IFT80: variants seen among roughly 807,000 people sequenced by gnomAD.
IFT80 encodes intraflagellar transport protein 80 homolog.
In IFT80, 79 loss-of-function variants were observed where a neutral mutation model predicts 107.9. That is an observed-to-expected ratio of 0.73 (90% CI 0.61 to 0.88). IFT80 has a LOEUF of 0.88. Ranked by LOEUF, IFT80 falls within the 40% of genes least tolerant of loss-of-function variation. IFT80 has a pLI of 0.00. For missense variants in IFT80, 797 were observed against 914.2 expected, an observed-to-expected ratio of 0.87 and a Z score of 1.65; for synonymous variants, 299 against 300.9, an observed-to-expected ratio of 0.99 and a Z score of 0.07.
chr3:160,279,641 C>A (rs965435752), intron 15 of IFT80, among the ~76,000 whole-genome samples: 2 of 151,418 alleles, frequency 1.3e-5, no homozygotes, highest in Non-Finnish European at 2.9e-5. Flanking sequence ...TATTTGAGAG[C>A]TATTCCTAAG....
At chr3:160,387,804 TAAGATGAAATTACC>T (rs1713057083) in intron 1 of IFT80, among the ~76,000 whole-genome samples, 1 of 152,186 alleles carries the variant, frequency 6.6e-6, no homozygotes, top group Non-Finnish European at 1.5e-5. Context: ...AGCCATGGAA[TAAGATGAAATTACC>T]AAAGAGACTA....
chr3:160,361,331 C>G (rs570836216), intron 6 of IFT80, among the ~76,000 whole-genome samples: 1 of 152,164 alleles, frequency 6.6e-6, no homozygotes, highest in South Asian at 2.1e-4. Flanking sequence ...GCTAACTATC[C>G]TAAATACATA....
At chr3:160,286,811 C>T (rs1009047784) in intron 12 of IFT80, among the ~76,000 whole-genome samples, 2 of 152,114 alleles carry the variant, frequency 1.3e-5, no homozygotes, top group African/African-American at 4.8e-5. Flanking sequence ...TATTAATATG[C>T]TACTCTGGTA....
intron 12 of IFT80, chr3:160,298,998 C>T (rs1716207083): frequency 2.3e-6 from 1 of 436,448 alleles, no homozygotes; most frequent in Admixed American, 6.3e-5. Flanking sequence ...TGTTACTATG[C>T]AGGGAATGAC....
chr3:160,335,954 C>T (rs922587488), intron 8 of IFT80, among the ~76,000 whole-genome samples: 1 of 152,114 alleles, frequency 6.6e-6, no homozygotes, highest in African/African-American at 2.4e-5. Context: ...TGTTTGTTTT[C>T]AGGGTTCATC....
intron 8 of IFT80, among the ~76,000 whole-genome samples, chr3:160,324,208 G>A (rs528682461): frequency 5.3e-5 from 8 of 152,224 alleles, no homozygotes; most frequent in African/African-American, 1.9e-4. Flanking sequence ...GTACAAGGAG[G>A]AACTGGTACC....
At chr3:160,311,043 T>C (rs1717207829) in intron 9 of IFT80, among the ~76,000 whole-genome samples, 1 of 152,180 alleles carries the variant, frequency 6.6e-6, no homozygotes, top group African/African-American at 2.4e-5. Context: ...GAGGATCGTT[T>C]GAGCTTGGGA....
At chr3:160,282,647 G>C (rs749556432) in intron 13 of IFT80, 34 bp from the exon 14 acceptor site, 1 of 1,290,026 alleles carries the variant, frequency 7.8e-7, no homozygotes, top group South Asian at 1.3e-5. Context: ...TACTGGGTTA[G>C]TTTTAGTGTT....
In IFT80 at chr3:160,260,040, T is replaced by TTTATC. The variant is rs568564150; in HGVS notation, c.2224-1406_2224-1405insGATAA. Among the ~76,000 whole-genome samples, 18 of 152,320 alleles carry TTTATC rather than the reference T, an allele frequency of 1.2e-4. No homozygotes were observed. In the South Asian group the frequency reaches 3.5e-3, roughly 30 times the overall value. ...AACTTTAATAGGACTTCATGCCTCT[T>TTTATC]TTATGCTGGAGGTTAAAGAAATTAA... On this transcript the variant is annotated intron_variant, in intron 19 of 19. Coordinates refer to ENST00000326448, the MANE Select transcript of IFT80 (RefSeq NM_020800.3).
intron 11 of IFT80, among the ~76,000 whole-genome samples, chr3:160,301,384 C>T (rs981749120): frequency 2.6e-5 from 4 of 151,782 alleles, no homozygotes; most frequent in African/African-American, 4.8e-5. Flanking sequence ...ATCAAAAAAT[C>T]GTATAATTTA....
At chr3:160,398,617 C>CCAAT (rs1714066575) in intron 1 of IFT80, among the ~76,000 whole-genome samples, 2 of 152,036 alleles carry the variant, frequency 1.3e-5, no homozygotes, top group Admixed American at 6.6e-5. Flanking sequence ...ACTCTGAAGC[C>CCAAT]CAATCACCTA....
chr3:160,296,205 A>T (rs1715971213), intron 12 of IFT80, among the ~76,000 whole-genome samples: 1 of 152,156 alleles, frequency 6.6e-6, no homozygotes, highest in African/African-American at 2.4e-5. Flanking sequence ...TTCAATCCTA[A>T]AAAAAACTGC....
At chr3:160,299,437 AT>A (rs1238108615) in intron 12 of IFT80, among the ~76,000 whole-genome samples, 1 of 152,168 alleles carries the variant, frequency 6.6e-6, no homozygotes, top group Non-Finnish European at 1.5e-5. Flanking sequence ...TTCAAGTCAG[AT>A]TTTTTGGTAA....
At chr3:160,291,985 C>T (rs1290739985) in intron 12 of IFT80, among the ~76,000 whole-genome samples, 2 of 152,204 alleles carry the variant, frequency 1.3e-5, no homozygotes, top group South Asian at 4.1e-4. Flanking sequence ...CCCTCTGAGG[C>T]ACAAAATACC....
chr3:160,301,083 G>A, intron 11 of IFT80, 37 bp from the exon 12 acceptor site: 5 of 1,499,720 alleles, frequency 3.3e-6, no homozygotes, highest in South Asian at 1.2e-5. Context: ...TCTCAAACAG[G>A]AGTATACTTT....
At chr3:160,389,057 G>T (rs1394353875) in intron 1 of IFT80, among the ~76,000 whole-genome samples, 1 of 152,138 alleles carries the variant, frequency 6.6e-6, no homozygotes. Flanking sequence ...GGTATTTAAA[G>T]CCCTTTAATT....
At position 160,257,386 on chromosome 3, in the gene IFT80, G is replaced by A. The variant is rs1559904055; in HGVS notation, c.*1139C>T. 6.6e-6 allele frequency: 1 copy of A among 151,996 alleles called. No homozygotes were observed. The highest frequency in any genetic ancestry group is 1.5e-5 in the Non-Finnish European group (1 of 68,018). 9.4% of individuals were successfully genotyped at this position (151,996 alleles called of 1,614,324 possible). ...TACCATTTTCAGAAATGGGTTTGCAGAAGACTTTCTAAGGGGTATTTGTTT... is the reference window on the plus strand; with the variant it reads ...TACCATTTTCAGAAATGGGTTTGCAAAAGACTTTCTAAGGGGTATTTGTTT... On this transcript the variant is annotated 3_prime_UTR_variant, in exon 20 of 20. Transcript: ENST00000326448.
chr3:160,299,228 G>T, intron 12 of IFT80: 1 of 1,139,324 alleles, frequency 8.8e-7, no homozygotes, highest in Non-Finnish European at 1.1e-6. Flanking sequence ...AGCCAAAAAG[G>T]AAGTCCTTTA....
chr3:160,325,668 A>G (rs58665246), intron 8 of IFT80, among the ~76,000 whole-genome samples: 79,728 of 151,892 alleles, frequency 0.52, 21,380 homozygotes, highest in African/African-American at 0.56. Context: ...ATATACATAA[A>G]AAGATATCTT....
Sources: allele counts gnomAD v4.1 joint callset (sites outside exome capture counted in the v4.1 genomes callset), GRCh38; gene constraint gnomAD v4.1.1; transcripts MANE v1.5; gene names NCBI Gene and HGNC (gene_info 2026-07-23, HGNC 2026-07-21).